USO1: variants seen among roughly 807,000 people sequenced by gnomAD.
USO1 encodes the protein general vesicular transport factor p115.
USO1 carries 57 observed loss-of-function variants against 124.5 expected under a neutral mutation model. That is an observed-to-expected ratio of 0.46 (90% CI 0.37 to 0.57). The LOEUF is 0.57. USO1 is among the 20% of genes least tolerant of loss of function. USO1 has a pLI of 0.00. For missense variants in USO1, 900 were observed against 1,040.6 expected (o/e 0.86, Z 1.86); for synonymous variants, 369 against 362.8 (o/e 1.02, Z -0.19).
At chr4:75,753,729 T>C (rs1721351993) in intron 3 of USO1, among the ~76,000 whole-genome samples, 1 of 150,070 alleles carries the variant, frequency 6.7e-6, no homozygotes, top group African/African-American at 2.4e-5. Flanking sequence ...ACAAAATAAA[T>C]ATAAATTTAA....
chr4:75,790,911 G>GAAAA, intron 12 of USO1, 114 bp downstream of exon 12: 5 of 928,184 alleles, frequency 5.4e-6, no homozygotes, highest in Non-Finnish European at 6.9e-6. Context: ...GCTTAGGAGA[G>GAAAA]AAAAAAAAAA....
intron 10 of USO1, among the ~76,000 whole-genome samples, chr4:75,788,532 C>A (rs1437752120): frequency 6.8e-6 from 1 of 147,394 alleles, no homozygotes; most frequent in Non-Finnish European, 1.5e-5. Context: ...ATTTTCTTTT[C>A]TTTTCTTTTC....
At chr4:75,751,552 CGGGCG>C (rs1721297678) in intron 1 of USO1, among the ~76,000 whole-genome samples, 1 of 145,098 alleles carries the variant, frequency 6.9e-6, no homozygotes, top group African/African-American at 2.5e-5. Flanking sequence ...TGGTTTTGGC[CGGGCG>C]CAGTGGCTCA....
intron 7 of USO1, among the ~76,000 whole-genome samples, chr4:75,773,388 G>T (rs1481172247): frequency 6.6e-6 from 1 of 151,968 alleles, no homozygotes; most frequent in Non-Finnish European, 1.5e-5. Flanking sequence ...GACCTTGAAA[G>T]CTAGTGGGTT....
intron 8 of USO1, among the ~76,000 whole-genome samples, chr4:75,776,783 A>G (rs562441350): frequency 3.3e-5 from 5 of 152,324 alleles, no homozygotes; most frequent in African/African-American, 9.6e-5. Context: ...ATGAGGATCC[A>G]TATGGTTCCT....
At chr4:75,782,926 G>T (rs1012210769) in intron 9 of USO1, 68 bp downstream of exon 9, 2 of 1,465,832 alleles carry the variant, frequency 1.4e-6, no homozygotes, top group East Asian at 5.4e-5. Context: ...GAAGAAAATC[G>T]CTTGTATTTG....
At chr4:75,802,452 T>A (rs1722877168) in intron 17 of USO1, among the ~76,000 whole-genome samples, 1 of 152,188 alleles carries the variant, frequency 6.6e-6, no homozygotes. Context: ...TCTAATGACT[T>A]CCTTAGAAAT....
Position 75,814,045 on chromosome 4 carries a change from C to T in USO1, c.*750C>T, listed in dbSNP as rs918744153. 1.3e-5 allele frequency: 2 copies of T among 152,132 alleles called. No homozygotes were observed. Among genetic ancestry groups the T allele is most frequent in the Non-Finnish European group, 2.9e-5 (2 of 68,026 alleles). 9.4% of individuals were successfully genotyped at this position (152,132 alleles called of 1,614,324 possible). ...ACTCAGATTTAGTAGTATTGTTTAT[C>T]ATAAAACATATTATGTTCCTAGTTT... On this transcript the variant is annotated 3_prime_UTR_variant, in exon 24 of 24. Coordinates refer to ENST00000514213, the MANE Select transcript of USO1 (RefSeq NM_003715.4).
intron 4 of USO1, among the ~76,000 whole-genome samples, chr4:75,760,955 T>C (rs1721589707): frequency 6.6e-6 from 1 of 152,128 alleles, no homozygotes; most frequent in South Asian, 2.1e-4. Flanking sequence ...AAGACCAGCC[T>C]AGCCAGCGTG....
intron 10 of USO1, among the ~76,000 whole-genome samples, chr4:75,787,985 CTT>C (rs1165595275): frequency 6.6e-6 from 1 of 151,750 alleles, no homozygotes; most frequent in East Asian, 1.9e-4. Context: ...ATACTTAACA[CTT>C]TGTTTCCCAC....
At chr4:75,760,925 T>C (rs1274513850) in intron 4 of USO1, among the ~76,000 whole-genome samples, 1 of 152,164 alleles carries the variant, frequency 6.6e-6, no homozygotes, top group Admixed American at 6.5e-5. Flanking sequence ...GGCGGGCAGA[T>C]CACTTGAGGT....
intron 12 of USO1, 72 bp downstream of exon 12, chr4:75,790,869 C>T: frequency 7.2e-7 from 1 of 1,392,204 alleles, no homozygotes; most frequent in Admixed American, 3.0e-5. Context: ...TTGATTCTTT[C>T]TTTTTATGCT....
Position 75,777,869 on chromosome 4 carries a change from A to G in USO1, c.676+3073A>G, listed in dbSNP as rs138843405. Among the ~76,000 whole-genome samples, 34 of 152,334 alleles carry G rather than the reference A, an allele frequency of 2.2e-4. 1 individual carries two copies. In the East Asian group the frequency reaches 6.5e-3, roughly 29 times the overall value. On this transcript the variant is annotated intron_variant, in intron 8 of 23. Coordinates refer to ENST00000514213, the MANE Select transcript of USO1 (RefSeq NM_003715.4). ...AAATTAGTTTAAGACATATTCACAC[A>G]AACATCTGCACATGAATATTAAAAC...
rs1409711099 is a variant in USO1, at chr4:75,758,463, TA to T, written c.295+894del. On this transcript the variant is annotated intron_variant, in intron 4 of 23. Coordinates refer to ENST00000514213, the MANE Select transcript of USO1 (RefSeq NM_003715.4). ...CATACTGACCTTGCTCATATTTTATTAAAATTAAAAGTAGAGCAGGAATATA... is the reference window on the plus strand; with the variant it reads ...CATACTGACCTTGCTCATATTTTATTAAATTAAAAGTAGAGCAGGAATATA... Among the ~76,000 whole-genome samples, 3 of 152,214 alleles carry T rather than the reference TA, an allele frequency of 2.0e-5. No homozygotes were observed. In the East Asian group the frequency reaches 5.8e-4, roughly 29 times the overall value.
At chr4:75,738,845 T>C (rs1359603326) in intron 1 of USO1, among the ~76,000 whole-genome samples, 1 of 151,904 alleles carries the variant, frequency 6.6e-6, no homozygotes. Context: ...AGTGTTTTTT[T>C]GTTTGTTTGT....
At chr4:75,782,172 A>AGCT (rs1722238521) in intron 8 of USO1, among the ~76,000 whole-genome samples, 3 of 152,224 alleles carry the variant, frequency 2.0e-5, no homozygotes, top group Non-Finnish European at 2.9e-5. Context: ...TAGAGATCAA[A>AGCT]TAAGATATGG....
chr4:75,787,481 G>A (rs935719627), intron 10 of USO1, among the ~76,000 whole-genome samples: 7 of 152,086 alleles, frequency 4.6e-5, no homozygotes, highest in Admixed American at 3.3e-4. Context: ...CAACAGGAGT[G>A]CACAGTATGA....
intron 13 of USO1, among the ~76,000 whole-genome samples, chr4:75,794,377 A>G (rs573145910): frequency 2.0e-5 from 3 of 152,320 alleles, no homozygotes; most frequent in East Asian, 3.9e-4. Flanking sequence ...GAGTTCTTCA[A>G]TCCTTAAGTC....
rs561775538 is a variant in USO1, at chr4:75,747,384, C to G, written c.67-4989C>G. Among the ~76,000 whole-genome samples, 4 of 152,248 alleles carry G rather than the reference C, an allele frequency of 2.6e-5. No individual in the cohort carries two copies. In the South Asian group the frequency reaches 8.3e-4, roughly 32 times the overall value. ...GTAGCCTCGGACTGCTCAAGCAGTC[C>G]TCCTACCTCAGCCTCTGGAGTAGCT... is the stretch of plus-strand genomic sequence containing the variant. On this transcript the variant is annotated intron_variant, in intron 1 of 23. Transcript: ENST00000514213.
Sources: allele counts gnomAD v4.1 joint callset (sites outside exome capture counted in the v4.1 genomes callset), GRCh38; gene constraint gnomAD v4.1.1; transcripts MANE v1.5; gene names NCBI Gene and HGNC (gene_info 2026-07-23, HGNC 2026-07-21).